The following CNOT6 variants were observed in gnomAD, a reference collection of about 807,000 sequenced individuals.
CNOT6 encodes CCR4-NOT transcription complex subunit 6.
A neutral mutation model predicts 61.2 loss-of-function variants in CNOT6; 12 were observed. The ratio of observed to expected loss-of-function variants is 0.20; its 90% CI spans 0.13 to 0.32. The LOEUF (loss-of-function observed/expected upper bound fraction) is 0.32, where lower values mean the gene tolerates loss of function less well. Ranked by LOEUF, CNOT6 falls within the 10% of genes least tolerant of loss-of-function variation. The pLI, the probability that CNOT6 is intolerant of heterozygous loss-of-function variation, is 1.00. For missense variants in CNOT6, 405 were observed against 663.9 expected (o/e 0.61, Z 4.28); for synonymous variants, 225 against 240.6 (o/e 0.94, Z 0.60).
chr5:180,549,907 T>G, intron 2 of CNOT6, 24 bp from the exon 3 acceptor site: 1 of 1,558,872 alleles, frequency 6.4e-7, no homozygotes, highest in Non-Finnish European at 8.8e-7. Flanking sequence ...ATATAATCCG[T>G]TCCTGTATTT....
At position 180,577,171 on chromosome 5, in the gene CNOT6, G is replaced by GTGTGTGTGTT. The variant is rs1761042258; in HGVS notation, c.*2980_*2981insTTGTGTGTGT. ...AGAGAACATCTCCAGAAATGTGTGT[G>GTGTGTGTGTT]TGTGTGTGTGTGTGTGTGTGTGTGT... On this transcript the variant is annotated 3_prime_UTR_variant, in exon 12 of 12. Transcript: ENST00000261951. The GTGTGTGTGTT allele has an allele frequency of 6.6e-6, 1 of 150,818 alleles. No individual in the cohort carries two copies. Among genetic ancestry groups the GTGTGTGTGTT allele is most frequent in the Non-Finnish European group, 1.5e-5 (1 of 67,708 alleles). 9.3% of individuals were successfully genotyped at this position (150,818 alleles called of 1,614,324 possible). A position where few individuals can be genotyped will look rare whatever the true frequency, so the allele number is the denominator to read the frequency against.
chr5:180,574,593 T>A lies in CNOT6; in HGVS notation c.*393T>A. Reference sequence around the variant, plus strand: ...CATCCAGAGATCATTCTTCCATACTTTACTCCCTCCTTTTTCAGACTTGTT... The same window carrying A: ...CATCCAGAGATCATTCTTCCATACTATACTCCCTCCTTTTTCAGACTTGTT... On this transcript the variant is annotated 3_prime_UTR_variant, in exon 12 of 12. Transcript: ENST00000261951. 1 of 216,774 alleles carries A rather than the reference T, an allele frequency of 4.6e-6. No homozygotes were observed. The highest frequency in any genetic ancestry group is 8.1e-5 in the South Asian group (1 of 12,338). The allele number at this position is 216,774 out of a possible 1,614,324, so 13.4% of individuals were successfully genotyped here.
chr5:180,558,580 G>T (rs1760018885), intron 4 of CNOT6, among the ~76,000 whole-genome samples: 1 of 148,268 alleles, frequency 6.7e-6, no homozygotes, highest in African/African-American at 2.5e-5. Context: ...ATTTCATTGA[G>T]TTCTGCTCTT....
rs2127689634 is a variant in CNOT6, at chr5:180,500,432, TTTTCTTTTC to T, written c.-3+5673_-3+5681del. 1.2e-4 allele frequency among the ~76,000 whole-genome samples: 3 copies of T among 24,542 alleles called. No individual in the cohort carries two copies. The East Asian group carries it at 3.1e-3, about 26-fold the overall frequency. 16.1% of individuals were successfully genotyped at this position (24,542 alleles called of 152,430 possible). On this transcript the variant is annotated intron_variant, in intron 1 of 11. Transcript: ENST00000261951. ...TGGCCAAATTCACGTTTTCTTTTTC[TTTTCTTTTC>T]TTTTTTTTTTTTTTGAGATGGAGTC...
chr5:180,505,547 AT>A (rs386405833), intron 1 of CNOT6, among the ~76,000 whole-genome samples: 2,045 of 85,668 alleles, frequency 0.024, 27 homozygotes, highest in South Asian at 0.034. Context: ...GTACTAGTTA[AT>A]TTTTTTTTTT....
intron 1 of CNOT6, among the ~76,000 whole-genome samples, chr5:180,504,265 G>A (rs1757026807): frequency 1.3e-5 from 2 of 152,330 alleles, no homozygotes; most frequent in South Asian, 4.1e-4. Flanking sequence ...CTTAGAGTAA[G>A]ATTCTGGTGT....
chr5:180,543,509 G>T (rs1478847345), intron 2 of CNOT6, among the ~76,000 whole-genome samples: 7 of 152,124 alleles, frequency 4.6e-5, no homozygotes, highest in African/African-American at 1.7e-4. Flanking sequence ...TGAATGAAAC[G>T]TAATTCAGTA....
chr5:180,507,822 T>G (rs551165839), intron 1 of CNOT6, among the ~76,000 whole-genome samples: 1 of 151,900 alleles, frequency 6.6e-6, no homozygotes, highest in African/African-American at 2.4e-5. Context: ...TGGAGGAAGG[T>G]GAAGGGGAAG....
chr5:180,514,676 A>G (rs1381051642), intron 1 of CNOT6, among the ~76,000 whole-genome samples: 1 of 152,230 alleles, frequency 6.6e-6, no homozygotes, highest in Non-Finnish European at 1.5e-5. Context: ...CCAGTTGCTT[A>G]AGCTGTAAGA....
At chr5:180,552,578 G>A (rs546763349) in intron 3 of CNOT6, among the ~76,000 whole-genome samples, 4 of 151,822 alleles carry the variant, frequency 2.6e-5, no homozygotes, top group South Asian at 4.2e-4. Flanking sequence ...CCCGGGAGGC[G>A]GAGCTTGCAG....
chr5:180,518,183 T>C (rs979963610), intron 1 of CNOT6, among the ~76,000 whole-genome samples: 1 of 152,244 alleles, frequency 6.6e-6, no homozygotes, highest in Non-Finnish European at 1.5e-5. Context: ...TTATGATTCT[T>C]ACTGCTCAAA....
At chr5:180,508,899 T>C (rs1757257513) in intron 1 of CNOT6, among the ~76,000 whole-genome samples, 1 of 151,680 alleles carries the variant, frequency 6.6e-6, no homozygotes, top group Non-Finnish European at 1.5e-5. Flanking sequence ...CCTGGCTCGC[T>C]GCAACTCTCA....
chr5:180,561,077 A>C (rs2127757120), intron 4 of CNOT6, among the ~76,000 whole-genome samples: 1 of 152,142 alleles, frequency 6.6e-6, no homozygotes, highest in East Asian at 1.9e-4. Flanking sequence ...CAGCCTCCCA[A>C]GTAGCTGGGA....
chr5:180,531,845 G>A (rs1434783481), intron 2 of CNOT6, among the ~76,000 whole-genome samples: 1 of 152,210 alleles, frequency 6.6e-6, no homozygotes, highest in Non-Finnish European at 1.5e-5. Flanking sequence ...CCAGTCAGGC[G>A]TGGCGGCGCG....
At chr5:180,534,704 A>C in intron 2 of CNOT6, 1 of 111,046 alleles carries the variant, frequency 9.0e-6, no homozygotes. Context: ...CATGGGCCGG[A>C]GTCCCTGGGG....
In CNOT6 at chr5:180,540,143, C is replaced by T. The variant is rs371976336; in HGVS notation, c.113-9788C>T. ...GTGTGGGGCCTTGACTGGTCAGTTCCGAGGGTCCCTGGGGCAGAGACTGTT... is the reference window on the plus strand; with the variant it reads ...GTGTGGGGCCTTGACTGGTCAGTTCTGAGGGTCCCTGGGGCAGAGACTGTT... On this transcript the variant is annotated intron_variant, in intron 2 of 11. Coordinates refer to ENST00000261951, the MANE Select transcript of CNOT6 (RefSeq NM_001370472.1). 5.3e-5 allele frequency among the ~76,000 whole-genome samples: 8 copies of T among 152,010 alleles called. No individual in the cohort carries two copies. In the East Asian group the frequency reaches 5.8e-4, roughly 11 times the overall value.
intron 1 of CNOT6, among the ~76,000 whole-genome samples, chr5:180,496,312 A>G (rs1292184431): frequency 1.3e-5 from 2 of 152,242 alleles, no homozygotes; most frequent in Non-Finnish European, 2.9e-5. Flanking sequence ...AACAAAATAC[A>G]TGAACAGCTG....
chr5:180,505,175 T>G (rs1757068762), intron 1 of CNOT6, among the ~76,000 whole-genome samples: 1 of 149,392 alleles, frequency 6.7e-6, no homozygotes, highest in Non-Finnish European at 1.5e-5. Context: ...TTAGCCATCC[T>G]GGTCTCCATC....
At chr5:180,570,896 G>A (rs906780147) in intron 10 of CNOT6, among the ~76,000 whole-genome samples, 3 of 152,134 alleles carry the variant, frequency 2.0e-5, no homozygotes, top group East Asian at 1.9e-4. Flanking sequence ...GATGCTGATC[G>A]TGGTGTTATC....
Sources: gnomAD v4.1 joint callset for allele counts (sites outside exome capture counted in the v4.1 genomes callset) on GRCh38, gnomAD v4.1.1 for gene constraint, MANE v1.5 for transcripts, NCBI Gene and HGNC (gene_info 2026-07-23, HGNC 2026-07-21) for gene names.